HNF1B: variants seen among roughly 807,000 people sequenced by gnomAD.
HNF1B encodes the protein HNF1 homeobox B, also known as hepatocyte nuclear factor 1-beta.
Under a neutral mutation model 61.7 loss-of-function variants are expected in HNF1B, and 8 were observed. The ratio of observed to expected loss-of-function variants is 0.13; its 90% CI spans 0.08 to 0.23. The LOEUF is 0.23. Among genes scored for constraint, HNF1B ranks in the 10% least tolerant of loss-of-function variants. The pLI is 1.00. For synonymous variants in HNF1B, 314 were observed against 287.7 expected, an observed-to-expected ratio of 1.09 and a Z score of -0.93; for missense variants, 562 against 714.5, an observed-to-expected ratio of 0.79 and a Z score of 2.43.
chr17:37,721,859 T>C (rs948949213), intron 4 of HNF1B, among the ~76,000 whole-genome samples: 7 of 152,174 alleles, frequency 4.6e-5, no homozygotes, highest in African/African-American at 1.7e-4. Context: ...TGTTCCTTGT[T>C]GTCTACAACC....
At chr17:37,702,724 C>G (rs2032612643) in intron 6 of HNF1B, among the ~76,000 whole-genome samples, 1 of 152,224 alleles carries the variant, frequency 6.6e-6, no homozygotes, top group South Asian at 2.1e-4. Flanking sequence ...CTTCAGAAAT[C>G]ATCTGGGGGA....
At chr17:37,710,215 C>T (rs2032885085) in intron 5 of HNF1B, among the ~76,000 whole-genome samples, 1 of 152,090 alleles carries the variant, frequency 6.6e-6, no homozygotes, top group Non-Finnish European at 1.5e-5. Flanking sequence ...TTGGCAAGCC[C>T]CAAAACAAAC....
chr17:37,731,788 G>A lies in HNF1B; in HGVS notation c.852C>T (p.His284=), dbSNP rs149581999. 1.1e-4 allele frequency: 177 copies of A among 1,614,006 alleles called. No homozygotes were observed. Among genetic ancestry groups the A allele is most frequent in the African/African-American group, 4.9e-4 (37 of 74,998 alleles). Residue 284 remains histidine (H), a synonymous_variant, in exon 4 of 9, where the codon CAC becomes CAT. Coordinates refer to ENST00000617811, the MANE Select transcript of HNF1B (RefSeq NM_000458.4). ...CAGTGACCAAGTTGGAGCCCAGGCC[G>A]TGGGCTTTGGAGGGGGACACCCCTC... ...LQRGVSPSKA[H]GLGSNLVTEV... is the part of the protein sequence containing the mutation.
chr17:37,727,947 T>C (rs1304498221), intron 4 of HNF1B, among the ~76,000 whole-genome samples: 1 of 151,828 alleles, frequency 6.6e-6, no homozygotes, highest in African/African-American at 2.4e-5. Flanking sequence ...GGGTTGCTAG[T>C]GCTGACGGTG....
intron 6 of HNF1B, among the ~76,000 whole-genome samples, chr17:37,704,483 G>T (rs1278266917): frequency 6.6e-6 from 1 of 152,152 alleles, no homozygotes; most frequent in African/African-American, 2.4e-5. Context: ...CAAACAGAAA[G>T]AACCTCCTGA....
chr17:37,734,942 C>T (rs1321777356), intron 2 of HNF1B, among the ~76,000 whole-genome samples: 1 of 151,968 alleles, frequency 6.6e-6, no homozygotes, highest in Non-Finnish European at 1.5e-5. Context: ...GTGTGCGGCA[C>T]CATGCCCAGC....
At chr17:37,737,652 C>T (rs986227008) in intron 2 of HNF1B, among the ~76,000 whole-genome samples, 15 of 149,246 alleles carry the variant, frequency 1.0e-4, no homozygotes, top group African/African-American at 1.8e-4. Flanking sequence ...TAGTGAAACC[C>T]CGTCTCTACT....
intron 6 of HNF1B, among the ~76,000 whole-genome samples, chr17:37,702,663 C>T (rs1330311413): frequency 2.0e-5 from 3 of 152,222 alleles, no homozygotes; most frequent in Non-Finnish European, 4.4e-5. Context: ...AGCAAATGAT[C>T]CTGTCTAGAG....
intron 2 of HNF1B, among the ~76,000 whole-genome samples, chr17:37,734,329 CA>C (rs887641123): frequency 2.6e-5 from 4 of 152,196 alleles, no homozygotes; most frequent in African/African-American, 9.7e-5. Context: ...AGAAAAACCC[CA>C]AACCTTTTGG....
At chr17:37,736,410 G>A (rs1480015939) in intron 2 of HNF1B, among the ~76,000 whole-genome samples, 3 of 152,062 alleles carry the variant, frequency 2.0e-5, no homozygotes, top group African/African-American at 7.3e-5. Flanking sequence ...TAATTCTTAC[G>A]ACCGCTCCAT....
In HNF1B at chr17:37,744,874, T is replaced by C. The variant is rs768909646; in HGVS notation, c.11A>G (p.Lys4Arg). 15 of 1,611,518 alleles carry C rather than the reference T, an allele frequency of 9.3e-6. No individual in the cohort carries two copies. Among genetic ancestry groups the C allele is most frequent in the Non-Finnish European group, 1.2e-5 (14 of 1,179,750 alleles). ...GAGTTCTTGCTGGAGCGACGTGAGC[T>C]TGGACACCATTTTCCAAGGACGGAA... MVS[K>R]LTSLQQELLS... Residue 4 changes from lysine to arginine, a missense_variant, in exon 1 of 9, where the codon AAG becomes AGG. Physicochemically the swap from Lys to Arg is conservative, Grantham distance 26. Around this residue, in one of 6 missense-constraint regions of HNF1B, gnomAD observed 148 missense variants for 147.3 expected, o/e 1.00. Transcript: ENST00000617811.
intron 2 of HNF1B, among the ~76,000 whole-genome samples, chr17:37,737,464 G>A (rs1011219800): frequency 1.3e-5 from 2 of 152,202 alleles, no homozygotes; most frequent in Non-Finnish European, 2.9e-5. Context: ...TTGGCACATA[G>A]TAGGTGCCTG....
chr17:37,696,209 C>T (rs1280008250), intron 8 of HNF1B, among the ~76,000 whole-genome samples: 5 of 152,062 alleles, frequency 3.3e-5, no homozygotes, highest in Admixed American at 2.6e-4. Context: ...CTTTGGGAGG[C>T]CAAGGCAGGC....
Position 37,744,633 on chromosome 17 carries a change from G to T in HNF1B, c.252C>A (p.Asp84Glu). 6.2e-7 allele frequency: 1 copy of T among 1,611,894 alleles called. No individual in the cohort carries two copies. The highest frequency in any genetic ancestry group is 1.6e-4 in the Middle Eastern group (1 of 6,062). The part of the protein sequence containing the change: ...LSGDEGSEDG[D>E]DYDTPPILKE... ...TGAGGATGGGAGGTGTGTCATAGTC[G>T]TCGCCGTCCTCGGAGCCCTCGTCGC... The change falls in exon 1 of 9, where the codon GAC becomes GAA. Residue 84 changes from aspartate (D) to glutamate (E), a missense_variant. Asp to Glu is a conservative substitution (Grantham distance 45). This residue lies in a region of HNF1B where 148 missense variants were observed against 147.3 expected (regional missense o/e 1.00). Coordinates refer to ENST00000617811, the MANE Select transcript of HNF1B (RefSeq NM_000458.4).
chr17:37,739,721 G>T, intron 1 of HNF1B, 82 bp from the exon 2 acceptor site: 1 of 1,280,018 alleles, frequency 7.8e-7, no homozygotes, highest in Non-Finnish European at 1.1e-6. Flanking sequence ...TGCTACCTAT[G>T]GTCTATGCAA....
chr17:37,743,198 G>A (rs979703618), intron 1 of HNF1B, among the ~76,000 whole-genome samples: 2 of 152,106 alleles, frequency 1.3e-5, no homozygotes, highest in African/African-American at 4.8e-5. Context: ...GTGGCCGGCG[G>A]TGGGAGCCTG....
intron 4 of HNF1B, among the ~76,000 whole-genome samples, chr17:37,714,413 G>A (rs761267919): frequency 6.6e-6 from 1 of 152,196 alleles, no homozygotes; most frequent in Non-Finnish European, 1.5e-5. Context: ...CAAGGGCTCT[G>A]GTTTAATATT....
chr17:37,715,855 G>C (rs1444743663), intron 4 of HNF1B, among the ~76,000 whole-genome samples: 1 of 152,168 alleles, frequency 6.6e-6, no homozygotes, highest in African/African-American at 2.4e-5. Context: ...GTGTTGGCCG[G>C]GCACGGTGGC....
intron 4 of HNF1B, among the ~76,000 whole-genome samples, chr17:37,711,493 G>A (rs572889612): frequency 4.6e-5 from 7 of 152,262 alleles, no homozygotes; most frequent in South Asian, 2.1e-4. Context: ...CCTCTTGCTC[G>A]GGAACCAAAA....
Sources: allele counts gnomAD v4.1 joint callset (sites outside exome capture counted in the v4.1 genomes callset), GRCh38; gene constraint gnomAD v4.1.1; regional missense constraint gnomAD v4.1.1; transcripts MANE v1.5; gene names NCBI Gene and HGNC (gene_info 2026-07-23, HGNC 2026-07-21).